The following TEAD3 variants were observed in gnomAD, a reference collection of about 807,000 sequenced individuals.
TEAD3 encodes the protein transcriptional enhancer factor TEF-5.
In TEAD3, 15 loss-of-function variants were observed where a neutral mutation model predicts 55.6. The ratio of observed to expected loss-of-function variants is 0.27; its 90% CI spans 0.18 to 0.42. The LOEUF (loss-of-function observed/expected upper bound fraction) is 0.42. Ranked by LOEUF, TEAD3 falls within the 10% of genes least tolerant of loss-of-function variation. The pLI is 1.00. For missense variants in TEAD3, 407 were observed against 576.8 expected (o/e 0.71, Z 3.01); for synonymous variants, 210 against 232.2 (o/e 0.90, Z 0.87).
rs777373439 is a variant in TEAD3, at chr6:35,475,898, G to A, written c.900+21C>T. On this transcript the variant is annotated intron_variant, in intron 10 of 12. Transcript: ENST00000639578. This position sits in a 1 kb window ranked among gnomAD's most constrained non-coding sequence, Gnocchi z 5.4. The stretch of plus-strand genomic sequence containing the variant: ...GGGGTGGGGAAGGGGGCTTGGAGCA[G>A]AGAAGGCCAGGGGGACTCACCCAGA... 1 of 1,517,602 alleles carries A rather than the reference G, an allele frequency of 6.6e-7. No homozygotes were observed. Among genetic ancestry groups the A allele is most frequent in the South Asian group, 1.3e-5 (1 of 76,208 alleles). The allele number at this position is 1,517,602 out of a possible 1,614,324, so 94.0% of individuals were successfully genotyped here.
chr6:35,496,280 C>T lies in TEAD3; in HGVS notation c.-50+618G>A, dbSNP rs1561810114. 6.6e-6 allele frequency among the ~76,000 whole-genome samples: 1 copy of T among 152,230 alleles called. No individual in the cohort carries two copies. The highest frequency in any genetic ancestry group is 1.5e-5 in the Non-Finnish European group (1 of 68,044). On this transcript the variant is annotated intron_variant, in intron 1 of 12. Transcript: ENST00000639578. The surrounding 1 kb of genome is among the most constrained non-coding windows in gnomAD (Gnocchi z 4.8). ...GGGCTGGAACTCTGAATCAGCACCC[C>T]GACGCAGGCGGCAGAACTGAAGGGA...
In TEAD3 at chr6:35,484,770, T is replaced by TG. The variant is rs1311868199; in HGVS notation, c.203-147dup. The TG allele has an allele frequency of 1.4e-6, 1 of 733,240 alleles. No homozygotes were observed. Among genetic ancestry groups the TG allele is most frequent in the Non-Finnish European group, 2.3e-6 (1 of 431,076 alleles). 45.4% of individuals were successfully genotyped at this position (733,240 alleles called of 1,614,324 possible). A position where few individuals can be genotyped will look rare whatever the true frequency, so the allele number is the denominator to read the frequency against. On this transcript the variant is annotated intron_variant, in intron 2 of 12. Coordinates refer to ENST00000639578, the Ensembl canonical transcript of TEAD3. This position sits in a 1 kb window ranked among gnomAD's most constrained non-coding sequence, Gnocchi z 5.8. ...CACTCTCTTCACCCCAAGCTGCACA[T>TG]GCAGGGCATGCAAAGGTGGCTGGGG...
At chr6:35,479,270 CCCCCACT>C in intron 5 of TEAD3, 28 bp downstream of exon 5, 1 of 1,611,876 alleles carries the variant, frequency 6.2e-7, no homozygotes, top group South Asian at 1.1e-5. Context: ...AAGACCCTTT[CCCCCACT>C]CCCACTGGGG....
chr6:35,497,073 TTGTG>T (rs1266373905), upstream of TEAD3: 1 of 139,854 alleles, frequency 7.2e-6, no homozygotes, highest in Non-Finnish European at 1.6e-5. Context: ...GACGGAAAGT[TTGTG>T]TTGAGGAGCC....
rs1768394993 is a variant in TEAD3 at position 35,486,859 on chromosome 6, G to A, written c.-49-148C>T. 1.6e-6 allele frequency: 1 copy of A among 613,456 alleles called. No homozygotes were observed. Among genetic ancestry groups the A allele is most frequent in the African/African-American group, 1.8e-5 (1 of 54,134 alleles). 38.0% of individuals were successfully genotyped at this position (613,456 alleles called of 1,614,324 possible). On this transcript the variant is annotated intron_variant, in intron 1 of 12. Transcript: ENST00000639578. This position sits in a 1 kb window ranked among gnomAD's most constrained non-coding sequence, Gnocchi z 7.3. The stretch of plus-strand genomic sequence containing the variant: ...TCCAGGTGGAACGGAGGTAACCAGA[G>A]GAACAACCACAGCTTGTTCAGAGCT...
intron 1 of TEAD3, among the ~76,000 whole-genome samples, chr6:35,490,195 C>A (rs962827343): frequency 2.6e-5 from 4 of 152,200 alleles, no homozygotes; most frequent in East Asian, 3.9e-4. Flanking sequence ...GTGGCCCCCC[C>A]TTCTTAGGGT....
intron 7 of TEAD3, among the ~76,000 whole-genome samples, chr6:35,477,739 A>G (rs1016146): frequency 0.74 from 112,738 of 151,578 alleles, 42,563 homozygotes; most frequent in African/African-American, 0.87. Flanking sequence ...GAAACTGAGC[A>G]GAAAGTAAAC....
exon 10 of TEAD3, chr6:35,476,090 G>A (rs560306009): frequency 2.6e-6 from 4 of 1,537,898 alleles, no homozygotes; most frequent in Admixed American, 4.0e-5. Flanking sequence ...GGTGTTTGCT[G>A]TACTGTGGGG....
In TEAD3 at chr6:35,484,254, T is replaced by TAGC. The variant is rs1303509207; in HGVS notation, c.267+303_267+305dup. Among the ~76,000 whole-genome samples the TAGC allele has an allele frequency of 6.6e-6, 1 of 152,176 alleles. No individual in the cohort carries two copies. The highest frequency in any genetic ancestry group is 2.4e-5 in the African/African-American group (1 of 41,438). On this transcript the variant is annotated intron_variant, in intron 3 of 12. Coordinates refer to ENST00000639578, the Ensembl canonical transcript of TEAD3. This position sits in a 1 kb window ranked among gnomAD's most constrained non-coding sequence, Gnocchi z 5.8. Reference sequence around the variant, plus strand: ...TGAGCCACTCAGGGCAGGGACCATGTAGCAGCCACAGCAGCCCCGTGGGCT... The same window carrying TAGC: ...TGAGCCACTCAGGGCAGGGACCATGTAGCAGCAGCCACAGCAGCCCCGTGGGCT...
exon 9 of TEAD3, chr6:35,476,302 C>A: frequency 6.2e-7 from 1 of 1,611,820 alleles, no homozygotes; most frequent in East Asian, 2.2e-5. Flanking sequence ...AACACGTTAC[C>A]GTGTCAGGGT....
At chr6:35,490,227 C>T (rs1450174484) in intron 1 of TEAD3, among the ~76,000 whole-genome samples, 1 of 152,238 alleles carries the variant, frequency 6.6e-6, no homozygotes, top group African/African-American at 2.4e-5. Flanking sequence ...CGCCCCGCCC[C>T]CCGCGGGAGC....
intron 1 of TEAD3, among the ~76,000 whole-genome samples, chr6:35,487,694 G>C (rs1768415376): frequency 6.6e-6 from 1 of 152,006 alleles, no homozygotes; most frequent in Non-Finnish European, 1.5e-5. Context: ...CTGCACTCCA[G>C]CCTGGGTGAC....
intron 3 of TEAD3, among the ~76,000 whole-genome samples, chr6:35,482,804 G>A (rs563187413): frequency 5.3e-5 from 8 of 152,210 alleles, no homozygotes; most frequent in African/African-American, 1.9e-4. Flanking sequence ...GTGACCCTTG[G>A]CCCGTTCCCA....
In TEAD3 at chr6:35,487,097, G is replaced by A. The variant is rs189378424; in HGVS notation, c.-49-386C>T. On this transcript the variant is annotated intron_variant, in intron 1 of 12. Coordinates refer to ENST00000639578, the Ensembl canonical transcript of TEAD3. The stretch of plus-strand genomic sequence containing the variant: ...CTCATACCAACACAGCACTTTTGTA[G>A]GGAAAAGGCATTTTCATATTCATTC... 2.6e-5 allele frequency among the ~76,000 whole-genome samples: 4 copies of A among 152,338 alleles called. No individual in the cohort carries two copies. The East Asian group carries it at 7.7e-4, about 29-fold the overall frequency.
intron 4 of TEAD3, 93 bp from the exon 5 acceptor site, chr6:35,479,409 C>A: frequency 2.0e-6 from 3 of 1,508,112 alleles, no homozygotes; most frequent in Middle Eastern, 2.0e-4. Context: ...CCACCCAGTG[C>A]CCATGGGTTT....
At position 35,483,408 on chromosome 6, in the gene TEAD3, TCC is replaced by T. The variant is rs1247860259; in HGVS notation, c.267+1150_267+1151del. On this transcript the variant is annotated intron_variant, in intron 3 of 12. Transcript: ENST00000639578. This position sits in a 1 kb window ranked among gnomAD's most constrained non-coding sequence, Gnocchi z 4.5. Reference sequence around the variant, plus strand: ...CAGGTCCCGCCTCCAGCCTGGCCTCTCCCCCAGGCAGTGGGGCCATCACTCCC... The same window carrying T: ...CAGGTCCCGCCTCCAGCCTGGCCTCTCCCAGGCAGTGGGGCCATCACTCCC... 1.3e-5 allele frequency among the ~76,000 whole-genome samples: 2 copies of T among 152,030 alleles called. No individual in the cohort carries two copies. The highest frequency in any genetic ancestry group is 1.9e-4 in the East Asian group (1 of 5,188).
chr6:35,474,667 T>G (rs1318546078), downstream of TEAD3: 1 of 221,304 alleles, frequency 4.5e-6, no homozygotes, highest in East Asian at 1.4e-4. Flanking sequence ...TTGGTCTCCA[T>G]CCTGCCCTCA....
At chr6:35,492,790 T>C (rs1339242095) in intron 1 of TEAD3, among the ~76,000 whole-genome samples, 2 of 152,018 alleles carry the variant, frequency 1.3e-5, no homozygotes, top group African/African-American at 2.4e-5. Context: ...TGAAGCAGTA[T>C]AGCGGGTAGG....
rs746066429 is a variant in TEAD3 at position 35,480,082 on chromosome 6, C to T, written c.308G>A (p.Arg103Gln). 8 of 1,533,506 alleles carry T rather than the reference C, an allele frequency of 5.2e-6. No homozygotes were observed. In the East Asian group the frequency reaches 1.3e-4, roughly 24 times the overall value. 95.0% of individuals were successfully genotyped at this position (1,533,506 alleles called of 1,614,324 possible). A position where few individuals can be genotyped will look rare whatever the true frequency, so the allele number is the denominator to read the frequency against. ...TACCTTCAGCTTAGACTGAATCTCC[C>T]GAGATTTCCGCCTGGCTAGAACTTG... The change falls in exon 4 of 13, where the codon CGG becomes CAG. Residue 103 changes from arginine to glutamine, a missense_variant. By Grantham distance (43) the Arg-to-Gln change is conservative. Coordinates refer to ENST00000639578, the Ensembl canonical transcript of TEAD3.
Sources: gnomAD v4.1 joint callset for allele counts (sites outside exome capture counted in the v4.1 genomes callset) on GRCh38, gnomAD v4.1.1 for gene constraint, Gnocchi (gnomAD v3.1) non-coding constraint, MANE v1.5 for transcripts, NCBI Gene and HGNC (gene_info 2026-07-23, HGNC 2026-07-21) for gene names.